The following TNFRSF11A variants were observed in gnomAD, a reference collection of about 807,000 sequenced individuals.
TNFRSF11A encodes the protein tumor necrosis factor receptor superfamily member 11A.
A neutral mutation model predicts 55.7 loss-of-function variants in TNFRSF11A; 32 were observed. That is an observed-to-expected ratio of 0.57 (90% confidence interval 0.43 to 0.77). The LOEUF is 0.77. Among genes scored for constraint, TNFRSF11A ranks in the 30% least tolerant of loss-of-function variants. The pLI is 0.00. For synonymous variants in TNFRSF11A, 311 were observed against 331.0 expected, an observed-to-expected ratio of 0.94 and a Z score of 0.65; for missense variants, 753 against 809.8, an observed-to-expected ratio of 0.93 and a Z score of 0.85.
At chr18:62,368,619 A>G in intron 8 of TNFRSF11A, 82 bp from the exon 9 acceptor site, 2 of 1,418,522 alleles carry the variant, frequency 1.4e-6, no homozygotes, top group Non-Finnish European at 2.0e-6. Flanking sequence ...CAGTGTAAAC[A>G]CTGTTTTCAG....
At chr18:62,338,050 C>G (rs2145257021) in intron 1 of TNFRSF11A, among the ~76,000 whole-genome samples, 1 of 152,278 alleles carries the variant, frequency 6.6e-6, no homozygotes, top group South Asian at 2.1e-4. Context: ...CCAATAAGCA[C>G]AAGAAAAGAT....
chr18:62,354,403 T>G lies in TNFRSF11A; in HGVS notation c.296T>G (p.Val99Gly). Residue 99 changes from valine (V) to glycine (G), a missense_variant, in exon 4 of 10, where the codon GTG becomes GGG. By Grantham distance (109) the Val-to-Gly change is moderately radical (BLOSUM62 -3). Around this residue, in one of 3 missense-constraint regions of TNFRSF11A, gnomAD observed 156 missense variants for 155.1 expected, o/e 1.01. Transcript: ENST00000586569. ...TTGTCTCCCGCAGGCAAGGCCCTGG[T>G]GGCCGTGGTCGCCGGCAACAGCACG... ...HKVCDTGKAL[V>G]AVVAGNSTTP... 6.3e-7 allele frequency: 1 copy of G among 1,583,354 alleles called. No homozygotes were observed. The highest frequency in any genetic ancestry group is 8.5e-7 in the Non-Finnish European group (1 of 1,170,274).
Position 62,389,781 on chromosome 18 carries a change from C to T in TNFRSF11A, c.*4747C>T, listed in dbSNP as rs138529798. 6.6e-6 allele frequency: 1 copy of T among 152,188 alleles called. No individual in the cohort carries two copies. The highest frequency in any genetic ancestry group is 2.4e-5 in the African/African-American group (1 of 41,440). 9.4% of individuals were successfully genotyped at this position (152,188 alleles called of 1,614,324 possible). On this transcript the variant is annotated 3_prime_UTR_variant, in exon 10 of 10. Coordinates refer to ENST00000586569, the MANE Select transcript of TNFRSF11A (RefSeq NM_003839.4). ...TATAAAAGTTAAAATGACAAAATTA[C>T]AGGCCTGTTACCAGATCTTCGTACT... is the stretch of plus-strand genomic sequence containing the variant.
At chr18:62,328,229 A>G (rs184095670) in intron 1 of TNFRSF11A, among the ~76,000 whole-genome samples, 1 of 151,476 alleles carries the variant, frequency 6.6e-6, no homozygotes, top group African/African-American at 2.4e-5. Context: ...GAGGGGAGGG[A>G]GAGAGGGAGG....
At chr18:62,361,864 T>A in intron 7 of TNFRSF11A, 71 bp downstream of exon 7, 1 of 1,338,672 alleles carries the variant, frequency 7.5e-7, no homozygotes, top group Non-Finnish European at 1.1e-6. Context: ...CTTTGGAAGT[T>A]GAGTAGATTG....
At chr18:62,352,200 C>T (rs1037269799) in intron 3 of TNFRSF11A, among the ~76,000 whole-genome samples, 1 of 152,224 alleles carries the variant, frequency 6.6e-6, no homozygotes, top group African/African-American at 2.4e-5. Flanking sequence ...TTAGCTTGCA[C>T]AATCCTTGTC....
At chr18:62,377,355 T>C (rs1910971067) in intron 9 of TNFRSF11A, among the ~76,000 whole-genome samples, 1 of 152,228 alleles carries the variant, frequency 6.6e-6, no homozygotes, top group Admixed American at 6.5e-5. Flanking sequence ...AACATCTGTG[T>C]GCAGATTTTT....
chr18:62,382,611 T>A (rs1163209486), intron 9 of TNFRSF11A, among the ~76,000 whole-genome samples: 1 of 152,212 alleles, frequency 6.6e-6, no homozygotes. Flanking sequence ...CTAGAATATT[T>A]TGAGTGATAA....
chr18:62,342,487 C>T (rs1054539299), intron 1 of TNFRSF11A, among the ~76,000 whole-genome samples: 1 of 150,372 alleles, frequency 6.7e-6, no homozygotes, highest in African/African-American at 2.4e-5. Flanking sequence ...GGAATCTGCC[C>T]TATCTGGTGT....
chr18:62,379,388 TG>T (rs1393995645), intron 9 of TNFRSF11A, among the ~76,000 whole-genome samples: 1 of 152,226 alleles, frequency 6.6e-6, no homozygotes, highest in Admixed American at 6.5e-5. Flanking sequence ...CTAAAGTCCA[TG>T]GGTGCTCCCA....
At chr18:62,344,858 T>G (rs1170036493) in intron 1 of TNFRSF11A, among the ~76,000 whole-genome samples, 1 of 152,108 alleles carries the variant, frequency 6.6e-6, no homozygotes, top group Non-Finnish European at 1.5e-5. Flanking sequence ...ACCCAGAGGA[T>G]GAACCTGACA....
At chr18:62,364,325 G>A (rs542342136) in intron 7 of TNFRSF11A, among the ~76,000 whole-genome samples, 255 of 152,246 alleles carry the variant, frequency 1.7e-3, no homozygotes, top group Non-Finnish European at 2.9e-3. Flanking sequence ...GGACCAAGTG[G>A]AAGATGAGGC....
chr18:62,337,018 A>C (rs920324013), intron 1 of TNFRSF11A, among the ~76,000 whole-genome samples: 1 of 151,140 alleles, frequency 6.6e-6, no homozygotes, highest in Admixed American at 6.6e-5. Context: ...CAAGGTGGTC[A>C]GAGGGGGAAA....
At chr18:62,331,734 T>G (rs1268234971) in intron 1 of TNFRSF11A, among the ~76,000 whole-genome samples, 1 of 152,184 alleles carries the variant, frequency 6.6e-6, no homozygotes, top group Non-Finnish European at 1.5e-5. Context: ...AAAGAAGCAG[T>G]GTTTATGTTG....
At chr18:62,377,456 A>C (rs917645057) in intron 9 of TNFRSF11A, among the ~76,000 whole-genome samples, 10 of 152,210 alleles carry the variant, frequency 6.6e-5, no homozygotes, top group African/African-American at 2.4e-4. Flanking sequence ...TTTTGTAAGA[A>C]GTCATCAAAC....
At chr18:62,331,097 G>A (rs557347970) in intron 1 of TNFRSF11A, among the ~76,000 whole-genome samples, 8 of 152,206 alleles carry the variant, frequency 5.3e-5, no homozygotes, top group South Asian at 2.1e-4. Context: ...CCAGCTGCTC[G>A]GGAGGCTGAG....
At chr18:62,350,043 A>C in intron 3 of TNFRSF11A, 106 bp downstream of exon 3, 1 of 1,511,538 alleles carries the variant, frequency 6.6e-7, no homozygotes, top group Non-Finnish European at 9.0e-7. Flanking sequence ...TTTCAGGAAC[A>C]TGAAAGGAAG....
Position 62,366,505 on chromosome 18 carries a change from G to A in TNFRSF11A, c.731-203G>A, listed in dbSNP as rs538571596. 3.3e-5 allele frequency among the ~76,000 whole-genome samples: 5 copies of A among 152,218 alleles called. No homozygotes were observed. The South Asian group carries it at 1.0e-3, about 32-fold the overall frequency. Reference sequence around the variant, plus strand: ...TTTTGCTAAATTTGTAGATTTTAGCGGATCTTGCCACACACACATAAAAAT... The same window carrying A: ...TTTTGCTAAATTTGTAGATTTTAGCAGATCTTGCCACACACACATAAAAAT... On this transcript the variant is annotated intron_variant, in intron 7 of 9. Transcript: ENST00000586569.
rs1911974325 is a variant in TNFRSF11A, at chr18:62,391,094, GTAGAGTTA to G, written c.*6061_*6068del. The G allele has an allele frequency of 6.6e-6, 1 of 152,188 alleles. No individual in the cohort carries two copies. Among genetic ancestry groups the G allele is most frequent in the Non-Finnish European group, 1.5e-5 (1 of 68,054 alleles). 9.4% of individuals were successfully genotyped at this position (152,188 alleles called of 1,614,324 possible). A position where few individuals can be genotyped will look rare whatever the true frequency, so the allele number is the denominator to read the frequency against. On this transcript the variant is annotated 3_prime_UTR_variant, in exon 10 of 10. Transcript: ENST00000586569. Reference sequence around the variant, plus strand: ...AGTTTCACCTTTTCCAATTTGTCGTGTAGAGTTACACAGCTCATAGCCATTTGAGTCTG... The same window carrying G: ...AGTTTCACCTTTTCCAATTTGTCGTGCACAGCTCATAGCCATTTGAGTCTG...
Sources: gnomAD v4.1 joint callset for allele counts (sites outside exome capture counted in the v4.1 genomes callset) on GRCh38, gnomAD v4.1.1 for gene constraint, gnomAD v4.1.1 regional missense constraint, MANE v1.5 for transcripts, NCBI Gene and HGNC (gene_info 2026-07-23, HGNC 2026-07-21) for gene names.